The following NCALD variants were observed in gnomAD, a reference collection of about 807,000 sequenced individuals.
NCALD encodes neurocalcin delta.
Under a neutral mutation model 18.6 loss-of-function variants are expected in NCALD, and 10 were observed. That is an observed-to-expected ratio of 0.54 (90% CI 0.33 to 0.91). NCALD has a LOEUF of 0.91. NCALD is among the 40% of genes least tolerant of loss of function. The pLI is 0.03. For synonymous variants in NCALD, 88 were observed against 87.4 expected, an observed-to-expected ratio of 1.01 and a Z score of -0.04; for missense variants, 184 against 247.6, an observed-to-expected ratio of 0.74 and a Z score of 1.72.
intron 1 of NCALD, among the ~76,000 whole-genome samples, chr8:102,029,816 C>A (rs1368156247): frequency 6.6e-6 from 1 of 152,182 alleles, no homozygotes; most frequent in Admixed American, 6.6e-5. Context: ...CGCTTTAATG[C>A]AAGTCCTTCT....
chr8:101,718,209 C>T (rs554978372), intron 2 of NCALD, among the ~76,000 whole-genome samples: 1 of 152,264 alleles, frequency 6.6e-6, no homozygotes, highest in African/African-American at 2.4e-5. Flanking sequence ...AAGAAAATGC[C>T]TCTGGGAGGC....
At chr8:102,020,813 T>C (rs1363519489) in intron 1 of NCALD, among the ~76,000 whole-genome samples, 2 of 152,202 alleles carry the variant, frequency 1.3e-5, no homozygotes, top group Non-Finnish European at 2.9e-5. Flanking sequence ...CCTACTTTTC[T>C]AGCCTCATCT....
intron 3 of NCALD, among the ~76,000 whole-genome samples, chr8:101,891,120 G>A (rs946658793): frequency 1.3e-5 from 2 of 152,028 alleles, no homozygotes; most frequent in African/African-American, 4.8e-5. Context: ...TATTTGTGTT[G>A]AGGCAAACCC....
At chr8:101,706,747 G>A (rs1815543802) in intron 2 of NCALD, among the ~76,000 whole-genome samples, 1 of 152,210 alleles carries the variant, frequency 6.6e-6, no homozygotes, top group Admixed American at 6.5e-5. Flanking sequence ...AGAGAATACA[G>A]TGATGCAGCT....
At chr8:101,821,872 G>A (rs1042974357) in intron 4 of NCALD, among the ~76,000 whole-genome samples, 2 of 127,106 alleles carry the variant, frequency 1.6e-5, no homozygotes, top group Admixed American at 1.7e-4. Flanking sequence ...GAACCTCTTG[G>A]GTTCTAAGTA....
intron 4 of NCALD, among the ~76,000 whole-genome samples, chr8:101,853,603 A>G (rs1262445374): frequency 6.6e-6 from 1 of 152,220 alleles, no homozygotes; most frequent in Non-Finnish European, 1.5e-5. Flanking sequence ...CCTGTGGACA[A>G]GAAGAAACAA....
intron 3 of NCALD, among the ~76,000 whole-genome samples, chr8:101,898,032 C>G (rs534921054): frequency 6.6e-6 from 1 of 152,122 alleles, no homozygotes; most frequent in Admixed American, 6.5e-5. Context: ...TTCTTCTCCT[C>G]GATGCCACCA....
intron 4 of NCALD, among the ~76,000 whole-genome samples, chr8:101,837,280 AACCC>A (rs113924632): frequency 0.034 from 5,166 of 152,246 alleles, 206 homozygotes; most frequent in African/African-American, 0.091. Flanking sequence ...CTGATCTGTA[AACCC>A]ACTGAGACCA....
intron 1 of NCALD, among the ~76,000 whole-genome samples, chr8:101,772,503 C>A (rs1380983577): frequency 6.6e-6 from 1 of 152,212 alleles, no homozygotes; most frequent in African/African-American, 2.4e-5. Context: ...GAGAACAAAA[C>A]AACTCTCTAC....
chr8:102,055,868 A>G (rs954372343), intron 1 of NCALD, among the ~76,000 whole-genome samples: 2 of 152,300 alleles, frequency 1.3e-5, no homozygotes, highest in African/African-American at 4.8e-5. Flanking sequence ...ACTACTTTTA[A>G]AGCCTCATTT....
At chr8:101,765,593 T>C (rs1465735844) in intron 1 of NCALD, among the ~76,000 whole-genome samples, 1 of 152,230 alleles carries the variant, frequency 6.6e-6, no homozygotes, top group Non-Finnish European at 1.5e-5. Flanking sequence ...GATTTGATTA[T>C]CTAGCTTATG....
intron 2 of NCALD, among the ~76,000 whole-genome samples, chr8:101,698,135 C>A (rs1178254251): frequency 6.6e-6 from 1 of 151,960 alleles, no homozygotes; most frequent in African/African-American, 2.4e-5. Flanking sequence ...TTCTATACAC[C>A]AACAATAGAC....
At chr8:101,851,697 T>C (rs1268487994) in intron 4 of NCALD, among the ~76,000 whole-genome samples, 1 of 152,078 alleles carries the variant, frequency 6.6e-6, no homozygotes, top group Non-Finnish European at 1.5e-5. Flanking sequence ...ACTCGAGACC[T>C]CCTGGATCCT....
At chr8:101,821,926 T>C (rs536461734) in intron 4 of NCALD, among the ~76,000 whole-genome samples, 58 of 146,320 alleles carry the variant, frequency 4.0e-4, no homozygotes, top group Non-Finnish European at 7.7e-4. Flanking sequence ...TTTTCCAGCA[T>C]ACCAGGCCCC....
chr8:102,033,830 G>A (rs1215157092), intron 1 of NCALD, among the ~76,000 whole-genome samples: 1 of 152,120 alleles, frequency 6.6e-6, no homozygotes, highest in African/African-American at 2.4e-5. Context: ...TAAGGACACA[G>A]ACTTTTCAGG....
chr8:101,951,935 C>T (rs996587362), intron 2 of NCALD, among the ~76,000 whole-genome samples: 3 of 152,218 alleles, frequency 2.0e-5, no homozygotes, highest in African/African-American at 7.2e-5. Context: ...AGTCAAGGCA[C>T]AGCCATGCCT....
chr8:101,696,630 T>C (rs1815005862), intron 2 of NCALD, among the ~76,000 whole-genome samples: 1 of 152,202 alleles, frequency 6.6e-6, no homozygotes, highest in Non-Finnish European at 1.5e-5. Context: ...GGATCTGTAT[T>C]TCTCCAACGA....
intron 1 of NCALD, among the ~76,000 whole-genome samples, chr8:102,065,010 CA>C (rs34548051): frequency 0.057 from 4,996 of 87,372 alleles, 143 homozygotes; most frequent in African/African-American, 0.17. Context: ...CTCACTTTGG[CA>C]AAAAAAAAAA....
intron 1 of NCALD, among the ~76,000 whole-genome samples, chr8:101,746,422 T>C (rs1810426731): frequency 1.3e-5 from 2 of 151,860 alleles, no homozygotes; most frequent in Admixed American, 1.3e-4. Flanking sequence ...CAAATACTAA[T>C]AGCAATAGCA....
Sources: gnomAD v4.1 joint callset for allele counts (sites outside exome capture counted in the v4.1 genomes callset) on GRCh38, gnomAD v4.1.1 for gene constraint, MANE v1.5 for transcripts, NCBI Gene and HGNC (gene_info 2026-07-23, HGNC 2026-07-21) for gene names.